The following GALNT1 variants were observed in gnomAD, a reference collection of about 807,000 sequenced individuals.
GALNT1 encodes the protein polypeptide N-acetylgalactosaminyltransferase 1.
In GALNT1, 17 loss-of-function variants were observed where a neutral mutation model predicts 65.7. That is an observed-to-expected ratio of 0.26 (90% CI 0.18 to 0.39). The LOEUF is 0.39. GALNT1 is among the 10% of genes least tolerant of loss of function. The pLI, the probability that GALNT1 is intolerant of heterozygous loss-of-function variation, is 1.00. For missense variants in GALNT1, 460 were observed against 672.8 expected, an observed-to-expected ratio of 0.68 and a Z score of 3.50; for synonymous variants, 210 against 219.7, an observed-to-expected ratio of 0.96 and a Z score of 0.39.
intron 2 of GALNT1, among the ~76,000 whole-genome samples, chr18:35,655,502 T>C (rs894377850): frequency 2.0e-5 from 3 of 150,796 alleles, no homozygotes; most frequent in Non-Finnish European, 3.0e-5. Context: ...AAAAATTCTT[T>C]TTTTTTTTTT....
chr18:35,660,919 CAGT>C (rs1194472618), intron 2 of GALNT1, among the ~76,000 whole-genome samples: 2 of 151,956 alleles, frequency 1.3e-5, no homozygotes, highest in African/African-American at 4.8e-5. Flanking sequence ...TCATATGTAA[CAGT>C]AGGTTAGAGT....
intron 4 of GALNT1, among the ~76,000 whole-genome samples, chr18:35,681,741 T>C (rs1006978954): frequency 2.0e-5 from 3 of 152,106 alleles, no homozygotes; most frequent in Admixed American, 6.6e-5. Context: ...CTTGATCAGG[T>C]GCTTCCACAG....
intron 1 of GALNT1, among the ~76,000 whole-genome samples, chr18:35,637,128 A>T (rs1278610069): frequency 6.6e-6 from 1 of 152,118 alleles, no homozygotes; most frequent in Non-Finnish European, 1.5e-5. Flanking sequence ...GTTCCCCAAG[A>T]TACAACACAT....
chr18:35,625,444 G>T (rs1219831259), intron 1 of GALNT1, among the ~76,000 whole-genome samples: 2 of 152,160 alleles, frequency 1.3e-5, no homozygotes, highest in Admixed American at 1.3e-4. Context: ...ATTTAAGATG[G>T]CTAAGATATC....
Position 35,683,412 on chromosome 18 carries a change from A to G in GALNT1, c.503A>G (p.Glu168Gly). 6.2e-7 allele frequency: 1 copy of G among 1,613,394 alleles called. No homozygotes were observed. Among genetic ancestry groups the G allele is most frequent in the Non-Finnish European group, 8.5e-7 (1 of 1,179,594 alleles). ...SERDFLKRPL[E>G]SYVKKLKVPV... ...CCAGACTTTTTGAAAAGGCCTTTAG[A>G]GAGTTATGTGAAAAAACTAAAAGTA... is the stretch of plus-strand genomic sequence containing the variant. Residue 168 changes from glutamate (E) to glycine (G), a missense_variant, in exon 5 of 12, where the codon GAG becomes GGG. Transcript: ENST00000269195.
rs530324478 is a variant in GALNT1, at chr18:35,711,228, C to G, written c.*1458C>G. ...CATTTTTCCTGATATGTAGAGCAGT[C>G]TGTTGGCAAAAATGCATATATTTTC... On this transcript the variant is annotated 3_prime_UTR_variant, in exon 12 of 12. Coordinates refer to ENST00000269195, the MANE Select transcript of GALNT1 (RefSeq NM_020474.4). 5.4e-4 allele frequency: 82 copies of G among 152,264 alleles called. 1 individual carries two copies. The highest frequency in any genetic ancestry group is 2.0e-3 in the African/African-American group (81 of 41,444). The allele number at this position is 152,264 out of a possible 1,614,324, so 9.4% of individuals were successfully genotyped here. A position where few individuals can be genotyped will look rare whatever the true frequency, so the allele number is the denominator to read the frequency against.
At chr18:35,685,551 A>G (rs2047855176) in intron 5 of GALNT1, among the ~76,000 whole-genome samples, 1 of 151,602 alleles carries the variant, frequency 6.6e-6, no homozygotes, top group Non-Finnish European at 1.5e-5. Flanking sequence ...AGCATTTTTT[A>G]AAAAGATGTG....
At chr18:35,690,644 T>C (rs1048824166) in intron 7 of GALNT1, among the ~76,000 whole-genome samples, 6 of 152,186 alleles carry the variant, frequency 3.9e-5, no homozygotes, top group African/African-American at 1.4e-4. Flanking sequence ...TCTTCAACTT[T>C]TGGTTTGATC....
At chr18:35,620,739 T>C (rs1057489143) in intron 1 of GALNT1, among the ~76,000 whole-genome samples, 1 of 152,198 alleles carries the variant, frequency 6.6e-6, no homozygotes, top group Non-Finnish European at 1.5e-5. Flanking sequence ...TCCTGCTATA[T>C]AGTAGTCTAT....
intron 1 of GALNT1, among the ~76,000 whole-genome samples, chr18:35,622,297 G>T (rs940333607): frequency 2.6e-5 from 4 of 151,908 alleles, no homozygotes; most frequent in African/African-American, 9.7e-5. Context: ...TGTCACAGAG[G>T]CTGGAGTGCA....
At chr18:35,614,686 C>G (rs2046760822) in intron 1 of GALNT1, among the ~76,000 whole-genome samples, 1 of 151,982 alleles carries the variant, frequency 6.6e-6, no homozygotes, top group Non-Finnish European at 1.5e-5. Context: ...ATAGAAAATT[C>G]AGGAGTTTAT....
intron 11 of GALNT1, among the ~76,000 whole-genome samples, chr18:35,709,395 C>T (rs186213895): frequency 4.6e-5 from 7 of 151,736 alleles, no homozygotes; most frequent in Non-Finnish European, 8.8e-5. Flanking sequence ...GTGCCTTTCT[C>T]CCTCCCTCAT....
At chr18:35,678,399 T>G (rs1439596586) in intron 4 of GALNT1, among the ~76,000 whole-genome samples, 1 of 152,160 alleles carries the variant, frequency 6.6e-6, no homozygotes, top group Admixed American at 6.5e-5. Context: ...TCTCCCAAAC[T>G]ATTTCATGAA....
chr18:35,653,081 C>G (rs1186566035), intron 1 of GALNT1, among the ~76,000 whole-genome samples: 4 of 152,154 alleles, frequency 2.6e-5, no homozygotes, highest in Non-Finnish European at 5.9e-5. Flanking sequence ...CTCCCCTCAC[C>G]TCAGTTACCA....
rs1568032651 is a variant in GALNT1, at chr18:35,687,052, T to C, written c.726T>C (p.Ser242=). 1.2e-6 allele frequency: 2 copies of C among 1,613,868 alleles called. No homozygotes were observed. Among genetic ancestry groups the C allele is most frequent in the Admixed American group, 1.7e-5 (1 of 59,992 alleles). Residue 242 remains serine, a synonymous_variant, in exon 6 of 12, where the codon AGT becomes AGC. Coordinates refer to ENST00000269195, the MANE Select transcript of GALNT1 (RefSeq NM_020474.4). ...TGTGTCCCATCATCGATGTGATCAG[T>C]GATGATACTTTTGAGTACATGGCAG... ...TVVCPIIDVI[S]DDTFEYMAGS...
intron 1 of GALNT1, among the ~76,000 whole-genome samples, chr18:35,621,184 AT>A (rs72246013): frequency 0.076 from 10,463 of 138,012 alleles, 488 homozygotes; most frequent in African/African-American, 0.13. Flanking sequence ...TGTTTTATTT[AT>A]TTTTTTTTTT....
At chr18:35,591,953 T>G (rs1171846590) in intron 1 of GALNT1, 1 of 153,974 alleles carries the variant, frequency 6.5e-6, no homozygotes, top group Non-Finnish European at 1.5e-5. Context: ...TTGAGAAGAG[T>G]TAATGAATGT....
At chr18:35,636,779 CTTTG>C (rs2047094416) in intron 1 of GALNT1, among the ~76,000 whole-genome samples, 1 of 97,798 alleles carries the variant, frequency 1.0e-5, no homozygotes, top group Non-Finnish European at 2.0e-5. Flanking sequence ...ACAGATACTA[CTTTG>C]TTTTTTTTTT....
chr18:35,650,381 A>C (rs1300835395), intron 1 of GALNT1, among the ~76,000 whole-genome samples: 2 of 152,202 alleles, frequency 1.3e-5, no homozygotes, highest in African/African-American at 4.8e-5. Flanking sequence ...AGATCACAGG[A>C]TCGTGGCGAA....
Sources: allele counts gnomAD v4.1 joint callset (sites outside exome capture counted in the v4.1 genomes callset), GRCh38; gene constraint gnomAD v4.1.1; transcripts MANE v1.5; gene names NCBI Gene and HGNC (gene_info 2026-07-23, HGNC 2026-07-21).